The following DDX60 variants were observed in gnomAD, a reference collection of about 807,000 sequenced individuals.
DDX60 encodes probable ATP-dependent RNA helicase DDX60.
DDX60 carries 165 observed loss-of-function variants against 212.8 expected under a neutral mutation model. The observed-to-expected ratio is 0.78, with a 90% CI of 0.68 to 0.88. The LOEUF is 0.88. DDX60 is among the 40% of genes least tolerant of loss of function. The pLI is 0.00. For missense variants in DDX60, 1,905 were observed against 2,003.9 expected, an observed-to-expected ratio of 0.95 and a Z score of 0.94; for synonymous variants, 703 against 685.3, an observed-to-expected ratio of 1.03 and a Z score of -0.40.
intron 5 of DDX60, among the ~76,000 whole-genome samples, chr4:168,302,915 C>T (rs1430779525): frequency 2.0e-5 from 3 of 152,104 alleles, no homozygotes; most frequent in African/African-American, 7.2e-5. Flanking sequence ...TTGTATTTCA[C>T]ATAATCCTCA....
In DDX60 at chr4:168,262,629, T is replaced by C. The variant is rs1489696593; in HGVS notation, c.3144+54A>G. ...TGCCAGTGATTAGAAAGGGTGAGAG[T>C]TTGTCAATATTATCATCCTCTATAA... On this transcript the variant is annotated intron_variant, in intron 23 of 37. Transcript: ENST00000393743. 3 of 1,205,556 alleles carry C rather than the reference T, an allele frequency of 2.5e-6. No homozygotes were observed. The Admixed American group carries it at 5.7e-5, about 23-fold the overall frequency. The allele number at this position is 1,205,556 out of a possible 1,614,324, so 74.7% of individuals were successfully genotyped here.
chr4:168,219,176 C>G (rs1732958439), intron 37 of DDX60, among the ~76,000 whole-genome samples: 1 of 151,614 alleles, frequency 6.6e-6, no homozygotes, highest in South Asian at 2.1e-4. Context: ...CCTGTAGTCC[C>G]AGCTACCTGG....
intron 1 of DDX60, among the ~76,000 whole-genome samples, chr4:168,317,988 T>C (rs1310232800): frequency 6.6e-6 from 1 of 152,212 alleles, no homozygotes; most frequent in Non-Finnish European, 1.5e-5. Flanking sequence ...CTCGATGAGA[T>C]GCTGAACAGA....
chr4:168,225,661 G>A lies in DDX60; in HGVS notation c.4549C>T (p.Leu1517Phe), dbSNP rs779870296. The change falls in exon 34 of 38, where the codon CTC (leucine) becomes TTC (phenylalanine). Residue 1517 changes from leucine to phenylalanine, a missense_variant. Transcript: ENST00000393743. ...AAAGCATCACTAAAATCCTCAGGGA[G>A]ATCATCAAGGAACACCTAGAAGCCG... is the stretch of plus-strand genomic sequence containing the variant. ...FYQSKVFLDD[L>F]PEDFSDALDE... 1.2e-6 allele frequency: 2 copies of A among 1,610,274 alleles called. No individual in the cohort carries two copies. The highest frequency in any genetic ancestry group is 1.7e-6 in the Non-Finnish European group (2 of 1,178,542).
chr4:168,222,654 C>T (rs905289004), intron 35 of DDX60, among the ~76,000 whole-genome samples: 2 of 152,030 alleles, frequency 1.3e-5, no homozygotes, highest in South Asian at 4.2e-4. Flanking sequence ...ATATCAACTG[C>T]GTTCACTCCT....
intron 16 of DDX60, among the ~76,000 whole-genome samples, chr4:168,274,627 T>C (rs766295873): frequency 4.6e-5 from 7 of 152,100 alleles, no homozygotes; most frequent in East Asian, 1.9e-4. Flanking sequence ...TCAGCGTGAA[T>C]TGGGCATCAG....
intron 34 of DDX60, 29 bp downstream of exon 34, chr4:168,225,500 G>A: frequency 6.4e-7 from 1 of 1,565,248 alleles, no homozygotes; most frequent in African/African-American, 1.4e-5. Flanking sequence ...TCTTCAAATT[G>A]TTCCACAATG....
At chr4:168,255,479 G>T (rs1734366366) in intron 26 of DDX60, among the ~76,000 whole-genome samples, 1 of 152,144 alleles carries the variant, frequency 6.6e-6, no homozygotes, top group Admixed American at 6.5e-5. Flanking sequence ...ACAGGCTGTG[G>T]TTCTACCTCT....
At chr4:168,269,477 T>TA (rs1328534918) in intron 19 of DDX60, among the ~76,000 whole-genome samples, 6 of 152,078 alleles carry the variant, frequency 3.9e-5, no homozygotes, top group African/African-American at 1.4e-4. Context: ...GGTGGGTGCC[T>TA]GTAGTCCCAG....
intron 5 of DDX60, 94 bp from the exon 6 acceptor site, chr4:168,302,510 G>A (rs530647252): frequency 2.6e-5 from 14 of 539,974 alleles, no homozygotes; most frequent in South Asian, 5.8e-5. Context: ...ATATAATTAT[G>A]TTACGATATA....
At position 168,258,740 on chromosome 4, in the gene DDX60, C is replaced by T. The variant is rs565598089; in HGVS notation, c.3398+2125G>A. Among the ~76,000 whole-genome samples the T allele has an allele frequency of 1.2e-4, 19 of 152,266 alleles. 1 individual carries two copies. In the East Asian group the frequency reaches 3.3e-3, roughly 26 times the overall value. On this transcript the variant is annotated intron_variant, in intron 25 of 37. Transcript: ENST00000393743. ...CATGCTACTCCCAAAATATACCACT[C>T]TGGCATATTAACTATTTTGAGTTGA... is the stretch of plus-strand genomic sequence containing the variant.
intron 18 of DDX60, among the ~76,000 whole-genome samples, chr4:168,272,472 A>G (rs770049291): frequency 6.6e-6 from 1 of 152,208 alleles, no homozygotes. Flanking sequence ...TTTAGATTGA[A>G]AGATGTTTAT....
At chr4:168,287,395 ATC>A (rs999515833) in intron 9 of DDX60, among the ~76,000 whole-genome samples, 192 bp from the exon 10 acceptor site, 14 of 152,324 alleles carry the variant, frequency 9.2e-5, no homozygotes, top group African/African-American at 3.4e-4. Flanking sequence ...TGTAAAGTTT[ATC>A]TTGTTTTTAT....
chr4:168,295,073 A>G (rs1736281615), intron 6 of DDX60, among the ~76,000 whole-genome samples: 1 of 152,178 alleles, frequency 6.6e-6, no homozygotes, highest in Non-Finnish European at 1.5e-5. Context: ...CAAAAAGATG[A>G]AAGATAACAA....
chr4:168,243,105 G>A (rs1029383273), intron 30 of DDX60, among the ~76,000 whole-genome samples: 1 of 152,116 alleles, frequency 6.6e-6, no homozygotes, highest in African/African-American at 2.4e-5. Flanking sequence ...CTTCTGCCAT[G>A]ATTGTGAGGC....
intron 3 of DDX60, 109 bp downstream of exon 3, chr4:168,310,889 C>A (rs1737099011): frequency 3.2e-6 from 2 of 616,762 alleles, no homozygotes; most frequent in East Asian, 2.8e-5. Context: ...GTGCCCTTAG[C>A]CCCTACATTG....
intron 3 of DDX60, among the ~76,000 whole-genome samples, chr4:168,308,987 C>T (rs932826147): frequency 9.9e-5 from 15 of 152,106 alleles, no homozygotes; most frequent in South Asian, 2.1e-4. Flanking sequence ...AACTTATGCA[C>T]GCACTTATAG....
rs1212766705 is a variant in DDX60 at position 168,265,231 on chromosome 4, A to G, written c.3039+2351T>C. 2.6e-5 allele frequency among the ~76,000 whole-genome samples: 4 copies of G among 152,162 alleles called. No homozygotes were observed. The East Asian group carries it at 7.7e-4, about 29-fold the overall frequency. On this transcript the variant is annotated intron_variant, in intron 22 of 37. Transcript: ENST00000393743. ...CCACTCCTGAAATCATTTTTATACT[A>G]CAACTATAGAGGAAAGGACCCAGGT...
chr4:168,294,614 C>T (rs900089561), intron 6 of DDX60, among the ~76,000 whole-genome samples: 5 of 152,062 alleles, frequency 3.3e-5, no homozygotes, highest in Non-Finnish European at 7.4e-5. Flanking sequence ...GATTCTCTTG[C>T]CTCAGCCTCC....
Sources: allele counts gnomAD v4.1 joint callset (sites outside exome capture counted in the v4.1 genomes callset), GRCh38; gene constraint gnomAD v4.1.1; transcripts MANE v1.5; gene names NCBI Gene and HGNC (gene_info 2026-07-23, HGNC 2026-07-21).